The following SVIL variants were observed in gnomAD, a reference collection of about 807,000 sequenced individuals.
The protein encoded by SVIL is archvillin.
In SVIL, 101 loss-of-function variants were observed where a neutral mutation model predicts 240.4. The observed-to-expected ratio is 0.42, with a 90% CI of 0.36 to 0.50. The LOEUF is 0.50. Ranked by LOEUF, SVIL falls within the 20% of genes least tolerant of loss-of-function variation. SVIL has a pLI of 0.01. For missense variants in SVIL, 2,512 were observed against 2,818.7 expected (o/e 0.89, Z 2.46); for synonymous variants, 999 against 1,100.0 (o/e 0.91, Z 1.82).
At chr10:29,488,791 G>A in intron 22 of SVIL, 35 bp from the exon 23 acceptor site, 2 of 1,591,400 alleles carry the variant, frequency 1.3e-6, no homozygotes, top group Non-Finnish European at 1.7e-6. Context: ...CAACGCAGGA[G>A]GTTCAGTTAC....
rs191618736 is a variant in SVIL at position 29,732,198 on chromosome 10, T to C, written c.-400+3553A>G. 2.4e-3 allele frequency among the ~76,000 whole-genome samples: 358 copies of C among 149,202 alleles called. 7 individuals are homozygous for C. In the East Asian group the frequency reaches 0.046, roughly 19 times the overall value. ...AAAACCTACATAATGACAATCCCTCTCTGTCCTCCTGTCCATGCACTTTCT... is the reference window on the plus strand; with the variant it reads ...AAAACCTACATAATGACAATCCCTCCCTGTCCTCCTGTCCATGCACTTTCT... On this transcript the variant is annotated intron_variant, in intron 1 of 35. Coordinates refer to the SVIL transcript ENST00000375400.
At chr10:29,476,889 G>T (rs1946252827) in intron 29 of SVIL, among the ~76,000 whole-genome samples, 1 of 151,862 alleles carries the variant, frequency 6.6e-6, no homozygotes, top group African/African-American at 2.4e-5. Context: ...TTGAGACAGG[G>T]TCTCACCCTG....
intron 22 of SVIL, among the ~76,000 whole-genome samples, chr10:29,489,034 T>C (rs1218128548): frequency 6.6e-6 from 1 of 152,250 alleles, no homozygotes; most frequent in Non-Finnish European, 1.5e-5. Flanking sequence ...CCAGCTACTT[T>C]AGTACAAAAC....
intron 2 of SVIL, among the ~76,000 whole-genome samples, chr10:29,564,001 C>T (rs1243065137): frequency 3.9e-5 from 6 of 152,102 alleles, no homozygotes; most frequent in African/African-American, 1.2e-4. Context: ...CTAAGAGGTA[C>T]GAACTACTCA....
intron 29 of SVIL, chr10:29,475,491 T>C (rs1946097501): frequency 6.6e-6 from 1 of 152,212 alleles, no homozygotes; most frequent in Non-Finnish European, 1.5e-5. Flanking sequence ...GTGCTTTTGT[T>C]CTAATAAACA....
Position 29,698,541 on chromosome 10 carries a change from T to C in SVIL, c.-399-11890A>G. ...TTTTTCCTGCCGGGTGTTGTATGTA[T>C]GGTGACTTGTGGATTTATGTTTCAG... is the stretch of plus-strand genomic sequence containing the variant. On this transcript the variant is annotated intron_variant, in intron 1 of 35. Coordinates refer to the SVIL transcript ENST00000375400. 1.3e-5 allele frequency among the ~76,000 whole-genome samples: 2 copies of C among 148,564 alleles called. 1 individual carries two copies. The highest frequency in any genetic ancestry group is 3.0e-5 in the Non-Finnish European group (2 of 67,208).
chr10:29,551,634 T>C (rs1215721324), intron 5 of SVIL, among the ~76,000 whole-genome samples: 2 of 152,172 alleles, frequency 1.3e-5, no homozygotes, highest in African/African-American at 4.8e-5. Flanking sequence ...ATAGGATGAG[T>C]TGGGTCCTCT....
rs746913764 is a variant in SVIL, at chr10:29,606,215, TA to T, written c.-201+28204del. On this transcript the variant is annotated intron_variant, in intron 1 of 37. Transcript: ENST00000355867. Reference sequence around the variant, plus strand: ...TGCGCCACAGCTCCCGGCCTATTTTTAAAAATTTCTGTAGAGATGGAGTCTT... The same window carrying T: ...TGCGCCACAGCTCCCGGCCTATTTTTAAAATTTCTGTAGAGATGGAGTCTT... Among the ~76,000 whole-genome samples the T allele has an allele frequency of 6.1e-3, 932 of 152,238 alleles. 8 individuals are homozygous for T. Among genetic ancestry groups the T allele is most frequent in the Non-Finnish European group, 7.6e-3 (515 of 68,010 alleles).
intron 3 of SVIL, among the ~76,000 whole-genome samples, chr10:29,655,720 A>C (rs535848432): frequency 2.9e-4 from 44 of 152,332 alleles, no homozygotes; most frequent in African/African-American, 1.0e-3. Context: ...AGAAGTGGTG[A>C]GAATGGATAT....
intron 17 of SVIL, among the ~76,000 whole-genome samples, chr10:29,501,601 AT>A (rs1948902046): frequency 6.6e-6 from 1 of 152,150 alleles, no homozygotes; most frequent in Non-Finnish European, 1.5e-5. Context: ...AGTTACTAAA[AT>A]TTTTTCCTAA....
In SVIL at chr10:29,458,450, G is replaced by T; in HGVS notation, c.6542C>A (p.Thr2181Asn). ...VDPLKLEIYL[T>N]DEDFEFALDM... ...ACCGCTTACCTCGAAGTCTTCGTCGGTGAGATAGATCTCAAGCTTCAGAGG... is the reference window on the plus strand; with the variant it reads ...ACCGCTTACCTCGAAGTCTTCGTCGTTGAGATAGATCTCAAGCTTCAGAGG... Residue 2181 changes from threonine (T) to asparagine (N), a missense_variant, in exon 37 of 38, where the codon ACC (threonine) becomes AAC (asparagine). Physicochemically the swap from Thr to Asn is moderately conservative, Grantham distance 65. This residue lies in a region of SVIL where 797 missense variants were observed against 925.3 expected (regional missense o/e 0.86). Transcript: ENST00000355867. 6.3e-7 allele frequency: 1 copy of T among 1,582,736 alleles called. No homozygotes were observed.
chr10:29,733,562 C>T (rs953057702), intron 1 of SVIL, among the ~76,000 whole-genome samples: 2 of 152,234 alleles, frequency 1.3e-5, no homozygotes, highest in African/African-American at 2.4e-5. Context: ...ACCTCGGCCT[C>T]CCAAAGCCTT....
intron 2 of SVIL, among the ~76,000 whole-genome samples, chr10:29,565,183 G>A (rs7078235): frequency 3.9e-5 from 6 of 151,902 alleles, no homozygotes; most frequent in South Asian, 2.1e-4. Flanking sequence ...TCTGTATGCC[G>A]TTATTTTCCT....
intron 2 of SVIL, among the ~76,000 whole-genome samples, chr10:29,565,810 T>C (rs1257891396): frequency 2.6e-5 from 4 of 152,084 alleles, no homozygotes; most frequent in South Asian, 4.1e-4. Context: ...GCAGGATCCA[T>C]TGAGCCTAGG....
intron 29 of SVIL, among the ~76,000 whole-genome samples, chr10:29,478,175 A>G (rs1946411609): frequency 6.6e-6 from 1 of 152,180 alleles, no homozygotes; most frequent in Non-Finnish European, 1.5e-5. Context: ...CCCTATTATT[A>G]TTGTCTTTGG....
At chr10:29,595,732 C>T (rs1956558049) in intron 1 of SVIL, among the ~76,000 whole-genome samples, 1 of 152,148 alleles carries the variant, frequency 6.6e-6, no homozygotes, top group Non-Finnish European at 1.5e-5. Flanking sequence ...TCCAAGCAGG[C>T]AACGCGGTCT....
upstream of SVIL, among the ~76,000 whole-genome samples, chr10:29,636,938 G>A (rs1298696930): frequency 6.6e-6 from 1 of 151,984 alleles, no homozygotes; most frequent in Non-Finnish European, 1.5e-5. Context: ...AATATCTGGG[G>A]CTACAGATGT....
At chr10:29,535,385 C>T (rs898415686) in intron 7 of SVIL, among the ~76,000 whole-genome samples, 2 of 152,214 alleles carry the variant, frequency 1.3e-5, no homozygotes, top group Non-Finnish European at 2.9e-5. Context: ...CAGCCAAGAA[C>T]AAAGTGACTG....
intron 3 of SVIL, chr10:29,647,033 G>T (rs2505915): frequency 0.33 from 50,457 of 152,050 alleles, 8,439 homozygotes; most frequent in Non-Finnish European, 0.34. Flanking sequence ...CAGAATCACG[G>T]CATCACAGAG....
Sources: allele counts gnomAD v4.1 joint callset (sites outside exome capture counted in the v4.1 genomes callset), GRCh38; gene constraint gnomAD v4.1.1; regional missense constraint gnomAD v4.1.1; transcripts MANE v1.5; gene names NCBI Gene and HGNC (gene_info 2026-07-23, HGNC 2026-07-21).